Variants in PLEC observed in about 807,000 individuals in gnomAD.
The protein encoded by PLEC is plectin, also known as hemidesmosomal protein 1.
PLEC carries 216 observed loss-of-function variants against 392.8 expected under a neutral mutation model. The ratio of observed to expected loss-of-function variants is 0.55; its 90% CI spans 0.49 to 0.62. The LOEUF is 0.62. Ranked by LOEUF, PLEC falls within the 20% of genes least tolerant of loss-of-function variation. The pLI is 0.00. For missense variants in PLEC, 6,863 were observed against 6,563.4 expected, an observed-to-expected ratio of 1.05 and a Z score of -1.58; for synonymous variants, 3,621 against 2,980.6, an observed-to-expected ratio of 1.21 and a Z score of -7.00.
rs1180967658 is a variant in PLEC, at chr8:143,939,337, GGA to G, written c.112+11_112+12del. 3 of 1,607,774 alleles carry G rather than the reference GGA, an allele frequency of 1.9e-6. No homozygotes were observed. In the African/African-American group the frequency reaches 4.0e-5, roughly 21 times the overall value. Reference sequence around the variant, plus strand: ...CCCTGCCTGGCGGGGGTGCCCGAGGGGAGCCCTGCTACCTTTCTTGCCCTCAG... The same window carrying G: ...CCCTGCCTGGCGGGGGTGCCCGAGGGGCCCTGCTACCTTTCTTGCCCTCAG... On this transcript the variant is annotated intron_variant, in intron 1 of 31. Coordinates refer to ENST00000345136, the MANE Select transcript of PLEC (RefSeq NM_201384.3).
upstream of PLEC, chr8:143,953,673 A>C: frequency 6.4e-7 from 1 of 1,567,296 alleles, no homozygotes; most frequent in African/African-American, 1.4e-5. Context: ...ACCCAGCCAG[A>C]GGTCACTGTG....
chr8:143,961,246 GAC>G (rs1249703927), intron 1 of PLEC, among the ~76,000 whole-genome samples: 17 of 145,910 alleles, frequency 1.2e-4, no homozygotes, highest in African/African-American at 4.3e-4. Context: ...TTTTTTTTGA[GAC>G]AGAGTCTTGC....
upstream of PLEC, among the ~76,000 whole-genome samples, chr8:143,952,220 A>ACGCG (rs1554737431): frequency 0.2 from 28,061 of 139,182 alleles, 3,244 homozygotes; most frequent in Non-Finnish European, 0.27. Flanking sequence ...GCGCGCACAC[A>ACGCG]CGCACGCGCA....
intron 1 of PLEC, among the ~76,000 whole-genome samples, chr8:143,946,027 C>T (rs1040340822): frequency 6.6e-6 from 1 of 152,276 alleles, no homozygotes; most frequent in Non-Finnish European, 1.5e-5. Context: ...CCGGACGTTT[C>T]AGCCCACTCC....
Position 143,934,860 on chromosome 8 carries a change from T to A in PLEC, c.895A>T (p.Thr299Ser), listed in dbSNP as rs782292855. Reference protein sequence around the residue: ...LLLLQWMRHHTAAFEERRFPS... With the variant: ...LLLLQWMRHHSAAFEERRFPS... Reference sequence around the variant, plus strand: ...AACCTGCGTTCCTCAAAGGCGGCCGTGTGGTGTCGCATCCACTGAAGCAGC... The same window carrying A: ...AACCTGCGTTCCTCAAAGGCGGCCGAGTGGTGTCGCATCCACTGAAGCAGC... Residue 299 changes from threonine (T) to serine (S), a missense_variant, in exon 9 of 32, where the codon ACG (threonine) becomes TCG (serine). Physicochemically the swap from Thr to Ser is moderately conservative, Grantham distance 58. Coordinates refer to ENST00000345136, the MANE Select transcript of PLEC (RefSeq NM_201384.3). 1.9e-5 allele frequency: 30 copies of A among 1,611,420 alleles called. No homozygotes were observed. Among genetic ancestry groups the A allele is most frequent in the Non-Finnish European group, 2.5e-5 (30 of 1,179,794 alleles).
upstream of PLEC, among the ~76,000 whole-genome samples, chr8:143,954,999 G>A (rs571055092): frequency 1.1e-4 from 16 of 152,250 alleles, no homozygotes; most frequent in East Asian, 2.7e-3. This position sits in a 1 kb window ranked among gnomAD's most constrained non-coding sequence, Gnocchi z 4.6. Flanking sequence ...CAGCTCCCAC[G>A]GGTACGAGCT....
In PLEC at chr8:143,934,296, GCCACCACAGGGCC is replaced by G. The variant is rs781874571; in HGVS notation, c.1169+9_1169+21del. On this transcript the variant is annotated intron_variant, in intron 11 of 31. Transcript: ENST00000345136. ...TGACACACCCTCGGGTGGTTCCCCT[GCCACCACAGGGCC>G]CCACCCACCTCTCAAACTCGCTGCG... The G allele has an allele frequency of 4.3e-6, 7 of 1,610,468 alleles. No homozygotes were observed. The African/African-American group carries it at 8.0e-5, about 18-fold the overall frequency.
chr8:143,918,488 T>C lies in PLEC; in HGVS notation c.11333A>G (p.Gln3778Arg). 1 of 1,600,600 alleles carries C rather than the reference T, an allele frequency of 6.2e-7. No individual in the cohort carries two copies. The highest frequency in any genetic ancestry group is 8.5e-7 in the Non-Finnish European group (1 of 1,174,922). Residue 3778 changes from glutamine to arginine, a missense_variant, in exon 32 of 32, where the codon CAG (glutamine) becomes CGG (arginine). Gln to Arg is a conservative substitution (Grantham distance 43). Transcript: ENST00000345136. ...CATGGCCTGGAAGAGCGAGATGGTC[T>C]GCTCGGTGTAGGGGTCACGGTAGCC... is the stretch of plus-strand genomic sequence containing the variant. ...VTGYRDPYTE[Q>R]TISLFQAMKK...
upstream of PLEC, among the ~76,000 whole-genome samples, chr8:143,957,946 C>T (rs1832682972): frequency 6.6e-6 from 1 of 152,198 alleles, no homozygotes. Flanking sequence ...TGGCAGATAC[C>T]TCCACCTGGG....
chr8:143,972,057 C>T (rs1181955240), intron 1 of PLEC, among the ~76,000 whole-genome samples: 2 of 152,196 alleles, frequency 1.3e-5, no homozygotes, highest in East Asian at 3.9e-4. Flanking sequence ...GCTGGGGCAC[C>T]CCAGGCAGCC....
In PLEC at chr8:143,968,106, T is replaced by TGACAGAGCGA. The variant is rs1281315389; in HGVS notation, c.70+5287_70+5296dup. 5.4e-5 allele frequency among the ~76,000 whole-genome samples: 8 copies of TGACAGAGCGA among 149,242 alleles called. No homozygotes were observed. The East Asian group carries it at 9.9e-4, about 18-fold the overall frequency. On this transcript the variant is annotated intron_variant, in intron 1 of 31. Coordinates refer to the PLEC transcript ENST00000356346. ...TCATGCCACTGCACTCCAGCCTGGGTGACAGAGCGAGACAGAGCGAGACTT... is the reference window on the plus strand; with the variant it reads ...TCATGCCACTGCACTCCAGCCTGGGTGACAGAGCGAGACAGAGCGAGACAGAGCGAGACTT...
In PLEC at chr8:143,921,298, G is replaced by A. The variant is rs1366130220; in HGVS notation, c.8523C>T (p.Arg2841=). The change falls in exon 32 of 32, where the codon CGC becomes CGT. Residue 2841 remains arginine (R), a synonymous_variant. Transcript: ENST00000345136. ...RRGYFDEEMN[R]VLADPSDDTK... The stretch of plus-strand genomic sequence containing the variant: ...TGTCGTCGCTGGGGTCCGCCAGGAC[G>A]CGGTTCATCTCCTCGTCGAAGTAGC... 1.2e-5 allele frequency: 20 copies of A among 1,614,038 alleles called. No homozygotes were observed. Among genetic ancestry groups the A allele is most frequent in the Middle Eastern group, 1.6e-4 (1 of 6,062 alleles).
chr8:143,973,559 A>T (rs1833546194), upstream of PLEC: 1 of 1,061,046 alleles, frequency 9.4e-7, no homozygotes, highest in African/African-American at 1.7e-5. The surrounding 1 kb of genome is among the most constrained non-coding windows in gnomAD (Gnocchi z 5.6). Context: ...CCGCTTAAAG[A>T]GGCCGCCCCC....
chr8:143,934,216 GC>G, intron 11 of PLEC, 101 bp downstream of exon 11: 1 of 1,593,800 alleles, frequency 6.3e-7, no homozygotes, highest in Non-Finnish European at 8.6e-7. Flanking sequence ...GCGAGTGGGA[GC>G]TTGGGTTCCC....
intron 1 of PLEC, among the ~76,000 whole-genome samples, chr8:143,967,439 A>G (rs1554742676): frequency 6.6e-6 from 1 of 151,480 alleles, no homozygotes. Context: ...AGACCCATCC[A>G]TGGTGTGCCC....
At chr8:143,958,619 C>T, upstream of PLEC, 1 of 448,920 alleles carries the variant, frequency 2.2e-6, no homozygotes, top group South Asian at 1.6e-5. The surrounding 1 kb of genome is among the most constrained non-coding windows in gnomAD (Gnocchi z 4.9). Flanking sequence ...CAACAGCAGC[C>T]AGTGCTCTCC....
Position 143,925,482 on chromosome 8 carries a change from C to A in PLEC, c.4447G>T (p.Glu1483Ter). The part of the protein sequence containing the change: ...GELQALRARA[E>*]EAEAQKRQAQ... ...TGTCGCTTTTGTGCCTCAGCCTCCT[C>A]CGCCCGTGCACGCAGTGCCTGCAGC... The change falls in exon 31 of 32, where the codon GAG becomes TAG. Residue 1483 changes from glutamate (E) to a stop codon, truncating the protein, a stop_gained. Transcript: ENST00000345136. LOFTEE classifies it high-confidence loss of function. The A allele has an allele frequency of 6.3e-7, 1 of 1,596,436 alleles. No homozygotes were observed. Among genetic ancestry groups the A allele is most frequent in the Non-Finnish European group, 8.5e-7 (1 of 1,178,344 alleles).
chr8:143,915,639 G>C lies in PLEC; in HGVS notation c.*538C>G, dbSNP rs1399579839. Reference sequence around the variant, plus strand: ...CCAGGGGTCTCAGGAGTGAGTGTGGGGGGTGAGCTGGAAAGCACAGATCAG... The same window carrying C: ...CCAGGGGTCTCAGGAGTGAGTGTGGCGGGTGAGCTGGAAAGCACAGATCAG... On this transcript the variant is annotated 3_prime_UTR_variant, in exon 32 of 32. Transcript: ENST00000345136. 3 of 152,652 alleles carry C rather than the reference G, an allele frequency of 2.0e-5. No homozygotes were observed. The highest frequency in any genetic ancestry group is 4.8e-5 in the African/African-American group (2 of 41,454). 9.5% of individuals were successfully genotyped at this position (152,652 alleles called of 1,614,324 possible). A position where few individuals can be genotyped will look rare whatever the true frequency, so the allele number is the denominator to read the frequency against.
chr8:143,919,389 C>T lies in PLEC; in HGVS notation c.10432G>A (p.Val3478Met), dbSNP rs375766567. ...TCCACAGGCACGCGGTGGCTGTGCACGGGGTCGATGATGCCGCCCGTGGCG... is the reference window on the plus strand; with the variant it reads ...TCCACAGGCACGCGGTGGCTGTGCATGGGGTCGATGATGCCGCCCGTGGCG... ...QIATGGIIDP[V>M]HSHRVPVDVA... is the part of the protein sequence containing the mutation. Residue 3478 changes from valine to methionine, a missense_variant, in exon 32 of 32, where the codon GTG (valine) becomes ATG (methionine). Val to Met is a conservative substitution (Grantham distance 21, BLOSUM62 1). Coordinates refer to ENST00000345136, the MANE Select transcript of PLEC (RefSeq NM_201384.3). 4.8e-5 allele frequency: 77 copies of T among 1,613,468 alleles called. No homozygotes were observed. The highest frequency in any genetic ancestry group is 1.3e-4 in the Admixed American group (8 of 59,996).
Sources: gnomAD v4.1 joint callset for allele counts (sites outside exome capture counted in the v4.1 genomes callset) on GRCh38, gnomAD v4.1.1 for gene constraint, Gnocchi (gnomAD v3.1) non-coding constraint, MANE v1.5 for transcripts, NCBI Gene and HGNC (gene_info 2026-07-23, HGNC 2026-07-21) for gene names.